Variants in FSTL4 observed in about 807,000 individuals in gnomAD.
FSTL4 encodes follistatin like 4, also known as follistatin-related protein 4.
FSTL4 carries 28 observed loss-of-function variants against 78.2 expected under a neutral mutation model. The observed-to-expected ratio is 0.36, with a 90% CI of 0.27 to 0.49. The LOEUF is 0.49. Among genes scored for constraint, FSTL4 ranks in the 20% least tolerant of loss-of-function variants. The probability of loss-of-function intolerance (pLI) is 0.98; values close to 1 mark genes in which losing one functional copy is unlikely to be tolerated. For missense variants in FSTL4, 922 were observed against 1,084.9 expected (o/e 0.85, Z 2.11); for synonymous variants, 422 against 440.5 (o/e 0.96, Z 0.53).
the FSTL4 span, among the ~76,000 whole-genome samples, chr5:133,821,169 C>A: frequency 2.0e-5 from 3 of 152,132 alleles, no homozygotes. Context: ...AGGAAGAAGA[C>A]CCTTTCTTTA....
intron 6 of FSTL4, among the ~76,000 whole-genome samples, chr5:133,251,412 G>T (rs1462129078): frequency 6.6e-6 from 1 of 152,160 alleles, no homozygotes; most frequent in East Asian, 1.9e-4. Flanking sequence ...AACCACCTTG[G>T]CTCCTGGTAT....
intron 3 of FSTL4, among the ~76,000 whole-genome samples, chr5:133,410,612 C>T (rs1479782720): frequency 6.6e-6 from 1 of 152,176 alleles, no homozygotes; most frequent in East Asian, 1.9e-4. Context: ...CTTCCAGGGC[C>T]CTTTACCTGC....
At chr5:133,321,657 G>A (rs1341901860) in intron 4 of FSTL4, among the ~76,000 whole-genome samples, 1 of 152,234 alleles carries the variant, frequency 6.6e-6, no homozygotes, top group African/African-American at 2.4e-5. Flanking sequence ...AGAATGGTTC[G>A]AGAGAATGCC....
At chr5:133,329,099 A>G (rs1754283153) in intron 4 of FSTL4, among the ~76,000 whole-genome samples, 1 of 152,190 alleles carries the variant, frequency 6.6e-6, no homozygotes, top group African/African-American at 2.4e-5. Context: ...CTGGCTCCAG[A>G]CTGAGGCTGA....
At chr5:133,335,685 G>GGT (rs1450908613) in intron 4 of FSTL4, among the ~76,000 whole-genome samples, 5 of 151,768 alleles carry the variant, frequency 3.3e-5, no homozygotes, top group Admixed American at 1.3e-4. Context: ...CTTTCTTGGG[G>GGT]GGGGTGGCAA....
intron 1 of FSTL4, among the ~76,000 whole-genome samples, chr5:133,604,244 A>T (rs1369149890): frequency 6.6e-6 from 1 of 152,106 alleles, no homozygotes; most frequent in Non-Finnish European, 1.5e-5. Context: ...TAGAGTAAGA[A>T]CTCTATAAAT....
the FSTL4 span, among the ~76,000 whole-genome samples, chr5:133,781,389 G>A: frequency 6.6e-6 from 1 of 151,624 alleles, no homozygotes; most frequent in South Asian, 2.1e-4. Flanking sequence ...GTGTGTGTGT[G>A]TGTGTGTGTG....
chr5:133,599,682 G>C (rs1274472232), intron 2 of FSTL4, among the ~76,000 whole-genome samples: 1 of 152,152 alleles, frequency 6.6e-6, no homozygotes, highest in Non-Finnish European at 1.5e-5. Flanking sequence ...TTCAATCTCA[G>C]AGCCCAGCAA....
chr5:133,486,757 G>A (rs932575976), intron 3 of FSTL4, among the ~76,000 whole-genome samples: 1 of 152,144 alleles, frequency 6.6e-6, no homozygotes, highest in Non-Finnish European at 1.5e-5. Context: ...CCCAGAGCAG[G>A]AGCTGGCGGT....
At chr5:133,540,720 C>CAAAAAAAAAAAAAAAA (rs79162509) in intron 3 of FSTL4, among the ~76,000 whole-genome samples, 4 of 70,254 alleles carry the variant, frequency 5.7e-5, no homozygotes, top group Admixed American at 3.3e-4. Context: ...TTAACATAGG[C>CAAAAAAAAAAAAAAAA]AAAAAAAAAA....
the FSTL4 span, among the ~76,000 whole-genome samples, chr5:133,812,466 A>T: frequency 6.6e-6 from 1 of 152,238 alleles, no homozygotes; most frequent in African/African-American, 2.4e-5. Context: ...GTTCTCAAAC[A>T]CACCAGGCTT....
chr5:133,519,354 A>G (rs1291865780), intron 3 of FSTL4, among the ~76,000 whole-genome samples: 1 of 152,240 alleles, frequency 6.6e-6, no homozygotes, highest in East Asian at 1.9e-4. Flanking sequence ...GCTTCCTCCC[A>G]GATGAACACC....
chr5:133,267,747 A>T (rs1752677620), intron 6 of FSTL4, among the ~76,000 whole-genome samples: 1 of 152,114 alleles, frequency 6.6e-6, no homozygotes, highest in South Asian at 2.1e-4. Flanking sequence ...AGACTGCTAG[A>T]TAGGTTCCAA....
At chr5:133,464,337 G>A (rs1010855258) in intron 3 of FSTL4, among the ~76,000 whole-genome samples, 2 of 152,158 alleles carry the variant, frequency 1.3e-5, no homozygotes, top group Non-Finnish European at 2.9e-5. Context: ...CTTCATTGCT[G>A]AGTCCATATG....
chr5:133,521,108 C>G (rs1008525753), intron 3 of FSTL4, among the ~76,000 whole-genome samples: 2 of 152,128 alleles, frequency 1.3e-5, no homozygotes, highest in African/African-American at 2.4e-5. Flanking sequence ...CTTGCTTTAG[C>G]AAAATGACCC....
chr5:133,572,664 C>A (rs972588718), intron 2 of FSTL4, among the ~76,000 whole-genome samples: 1 of 151,632 alleles, frequency 6.6e-6, no homozygotes, highest in African/African-American at 2.4e-5. Context: ...CTTAACACAA[C>A]AATAATGCAC....
intron 3 of FSTL4, among the ~76,000 whole-genome samples, chr5:133,487,952 T>C (rs954122414): frequency 1.3e-5 from 2 of 152,142 alleles, no homozygotes; most frequent in African/African-American, 4.8e-5. Context: ...GAACCAAGCG[T>C]AGATCATCAG....
chr5:133,206,232 A>G (rs1750501108), intron 14 of FSTL4, among the ~76,000 whole-genome samples: 1 of 152,168 alleles, frequency 6.6e-6, no homozygotes, highest in Non-Finnish European at 1.5e-5. Context: ...TAAAAAATCC[A>G]TGGTAATTGC....
At chr5:133,636,051 A>G in the FSTL4 span, among the ~76,000 whole-genome samples, 2 of 152,204 alleles carry the variant, frequency 1.3e-5, no homozygotes, top group Non-Finnish European at 2.9e-5. Flanking sequence ...CCAGGTCGGC[A>G]CCTGGCCTAT....
Sources: gnomAD v4.1 joint callset for allele counts (sites outside exome capture counted in the v4.1 genomes callset) on GRCh38, gnomAD v4.1.1 for gene constraint, MANE v1.5 for transcripts, NCBI Gene and HGNC (gene_info 2026-07-23, HGNC 2026-07-21) for gene names.